The following PDPN variants were observed in gnomAD, a reference collection of about 807,000 sequenced individuals.
PDPN encodes PA2.26 antigen.
PDPN carries 12 observed loss-of-function variants against 23.2 expected under a neutral mutation model. That is an observed-to-expected ratio of 0.52 (90% confidence interval 0.33 to 0.84). The LOEUF is 0.84. Among genes scored for constraint, PDPN ranks in the 40% least tolerant of loss-of-function variants. PDPN has a pLI of 0.02. For missense variants in PDPN, 199 were observed against 212.2 expected (o/e 0.94, Z 0.39); for synonymous variants, 77 against 76.7 (o/e 1.00, Z -0.02).
chr1:13,613,543 C>A, intron 3 of PDPN, 144 bp from the exon 4 acceptor site: 1 of 628,720 alleles, frequency 1.6e-6, no homozygotes, highest in Non-Finnish European at 2.8e-6. Context: ...GTTTAAAAAT[C>A]CCTGGATCCA....
chr1:13,609,791 G>T (rs1056518318), intron 2 of PDPN, among the ~76,000 whole-genome samples: 11 of 152,218 alleles, frequency 7.2e-5, no homozygotes, highest in African/African-American at 2.2e-4. Context: ...AACAGGCTGG[G>T]TGTGGTGGCT....
intron 1 of PDPN, among the ~76,000 whole-genome samples, chr1:13,594,782 C>T (rs989542847): frequency 6.6e-6 from 1 of 151,360 alleles, no homozygotes; most frequent in African/African-American, 2.4e-5. Flanking sequence ...GTCAGGAGAT[C>T]GAGACCACCC....
intron 1 of PDPN, among the ~76,000 whole-genome samples, chr1:13,594,696 C>T (rs994048593): frequency 1.3e-5 from 2 of 152,054 alleles, no homozygotes; most frequent in African/African-American, 4.8e-5. Context: ...CTGTAAAGAA[C>T]AAGAGAGCTG....
At chr1:13,597,365 T>C (rs1640523995) in intron 1 of PDPN, among the ~76,000 whole-genome samples, 1 of 152,224 alleles carries the variant, frequency 6.6e-6, no homozygotes, top group Non-Finnish European at 1.5e-5. Flanking sequence ...CCTTTTAATC[T>C]GTTGACTAAT....
intron 5 of PDPN, among the ~76,000 whole-genome samples, chr1:13,615,285 T>C (rs1641040537): frequency 7.8e-6 from 1 of 127,932 alleles, no homozygotes; most frequent in Non-Finnish European, 1.6e-5. Context: ...TCTTTCTCTT[T>C]CTTTTTCTTT....
chr1:13,597,064 A>C (rs991052556), intron 1 of PDPN, among the ~76,000 whole-genome samples: 3 of 152,206 alleles, frequency 2.0e-5, no homozygotes, highest in African/African-American at 7.2e-5. Flanking sequence ...GCAAAGGAAC[A>C]GAAGTCGGTG....
chr1:13,604,817 T>C (rs1640741413), intron 1 of PDPN, among the ~76,000 whole-genome samples: 1 of 152,310 alleles, frequency 6.6e-6, no homozygotes, highest in Admixed American at 6.5e-5. Flanking sequence ...GCTCAATAAA[T>C]ACACAGTAAG....
chr1:13,585,871 G>A (rs1640164737), intron 1 of PDPN, among the ~76,000 whole-genome samples: 1 of 152,146 alleles, frequency 6.6e-6, no homozygotes, highest in Non-Finnish European at 1.5e-5. Context: ...TTTTGTTGGG[G>A]AGCTGGGCTG....
At chr1:13,589,824 T>TGGAA (rs74314877) in intron 1 of PDPN, among the ~76,000 whole-genome samples, 1 of 152,192 alleles carries the variant, frequency 6.6e-6, no homozygotes, top group African/African-American at 2.4e-5. Context: ...CTTGTATTGA[T>TGGAA]TGATTGATTG....
In PDPN at chr1:13,614,284, T is replaced by TC; in HGVS notation, c.371-15dup. ...TTTCCTCTGGGGCTCATGCTTTTTTTCTCTCTCTTGTTCAGATGGTTTGTC... is the reference window on the plus strand; with the variant it reads ...TTTCCTCTGGGGCTCATGCTTTTTTTCCTCTCTCTTGTTCAGATGGTTTGTC... On this transcript the variant is annotated splice_polypyrimidine_tract_variant and intron_variant, in intron 4 of 5. Transcript: ENST00000621990. 2 of 1,407,656 alleles carry TC rather than the reference T, an allele frequency of 1.4e-6. No individual in the cohort carries two copies. The highest frequency in any genetic ancestry group is 2.0e-6 in the Non-Finnish European group (2 of 1,000,438). 87.2% of individuals were successfully genotyped at this position (1,407,656 alleles called of 1,614,324 possible).
At chr1:13,585,221 C>A (rs541363740) in intron 1 of PDPN, among the ~76,000 whole-genome samples, 2 of 152,256 alleles carry the variant, frequency 1.3e-5, no homozygotes, top group East Asian at 1.9e-4. Flanking sequence ...AGGAATACTT[C>A]TTGGAGAGGG....
chr1:13,586,805 C>T (rs1422094942), intron 1 of PDPN, among the ~76,000 whole-genome samples: 1 of 149,996 alleles, frequency 6.7e-6, no homozygotes, highest in Non-Finnish European at 1.5e-5. Flanking sequence ...TGGTGGCTCA[C>T]GCCTGTGAGG....
chr1:13,611,232 C>A (rs1386548534), intron 3 of PDPN, among the ~76,000 whole-genome samples: 24 of 134,728 alleles, frequency 1.8e-4, no homozygotes, highest in Middle Eastern at 3.9e-3. Flanking sequence ...AAAAAAAAAA[C>A]AAAACAAAAA....
chr1:13,605,217 T>C lies in PDPN; in HGVS notation c.68-1956T>C, dbSNP rs546971363. Among the ~76,000 whole-genome samples the C allele has an allele frequency of 3.2e-5, 3 of 94,094 alleles. 1 individual carries two copies. The highest frequency in any genetic ancestry group is 7.2e-5 in the African/African-American group (2 of 27,670). 61.7% of individuals were successfully genotyped at this position (94,094 alleles called of 152,430 possible). On this transcript the variant is annotated intron_variant, in intron 1 of 5. Coordinates refer to ENST00000621990, the MANE Select transcript of PDPN (RefSeq NM_006474.5). ...GAATGGATTGCTGATATAAGTGCTG[T>C]CTAAGCAGTGGGGAGAATAAGGTAT...
At position 13,583,961 on chromosome 1, in the gene PDPN, G is replaced by C. The variant is rs1284261161; in HGVS notation, c.-73G>C. The stretch of plus-strand genomic sequence containing the variant: ...CCTCCAGGCTGGGCCTGTGGCCGCG[G>C]TGCTTTTTAATTTTCCCCCAGCTCA... On this transcript the variant is annotated 5_prime_UTR_variant, in exon 1 of 6. Coordinates refer to ENST00000621990, the MANE Select transcript of PDPN (RefSeq NM_006474.5). 16 of 1,613,750 alleles carry C rather than the reference G, an allele frequency of 9.9e-6. No individual in the cohort carries two copies. Among genetic ancestry groups the C allele is most frequent in the Non-Finnish European group, 1.4e-5 (16 of 1,180,014 alleles).
At chr1:13,595,877 ACAT>A in intron 1 of PDPN, 1 of 1,288,478 alleles carries the variant, frequency 7.8e-7, no homozygotes, top group East Asian at 5.6e-5. Context: ...AGCGGCAGGG[ACAT>A]CATAAATACA....
chr1:13,585,981 A>G (rs1333055676), intron 1 of PDPN, among the ~76,000 whole-genome samples: 2 of 152,164 alleles, frequency 1.3e-5, no homozygotes, highest in South Asian at 2.1e-4. Context: ...CAGTTTTATA[A>G]TCTGGTCCCA....
At chr1:13,584,420 C>G (rs942782503) in intron 1 of PDPN, 7 of 1,010,590 alleles carry the variant, frequency 6.9e-6, no homozygotes, top group Non-Finnish European at 9.8e-6. Flanking sequence ...GGCAGCCCCG[C>G]TTGCTGGCAG....
At chr1:13,597,440 A>G (rs1229060360) in intron 1 of PDPN, among the ~76,000 whole-genome samples, 1 of 152,234 alleles carries the variant, frequency 6.6e-6, no homozygotes, top group Non-Finnish European at 1.5e-5. Flanking sequence ...TTTAAAAATC[A>G]GCATCACCAG....
Sources: allele counts gnomAD v4.1 joint callset (sites outside exome capture counted in the v4.1 genomes callset), GRCh38; gene constraint gnomAD v4.1.1; transcripts MANE v1.5; gene names NCBI Gene and HGNC (gene_info 2026-07-23, HGNC 2026-07-21).